The following GMDS variants were observed in gnomAD, a reference collection of about 807,000 sequenced individuals.
GMDS encodes GDP-mannose 4,6-dehydratase.
In GMDS, 20 loss-of-function variants were observed where a neutral mutation model predicts 49.9. The observed-to-expected ratio is 0.40, with a 90% CI of 0.28 to 0.58. The LOEUF (loss-of-function observed/expected upper bound fraction) is 0.58, where lower values mean the gene tolerates loss of function less well. Among genes scored for constraint, GMDS ranks in the 20% least tolerant of loss-of-function variants. GMDS has a pLI of 0.42. For synonymous variants in GMDS, 177 were observed against 178.6 expected (o/e 0.99, Z 0.07); for missense variants, 362 against 481.4 (o/e 0.75, Z 2.32).
At chr6:2,199,949 G>A (rs1166908865) in intron 1 of GMDS, among the ~76,000 whole-genome samples, 1 of 152,070 alleles carries the variant, frequency 6.6e-6, no homozygotes, top group Non-Finnish European at 1.5e-5. Context: ...AGCTATATAT[G>A]GTAAATGCTA....
chr6:2,180,927 G>T (rs963900709), intron 1 of GMDS, among the ~76,000 whole-genome samples: 1 of 152,084 alleles, frequency 6.6e-6, no homozygotes, highest in Non-Finnish European at 1.5e-5. Flanking sequence ...CAGCACTTTG[G>T]GAGGCTGAGG....
chr6:2,023,943 T>C lies in GMDS; in HGVS notation c.346-62977A>G, dbSNP rs145738117. On this transcript the variant is annotated intron_variant, in intron 4 of 10. Transcript: ENST00000380815. Reference sequence around the variant, plus strand: ...AGGAGACATGGTTGAGAATTTTCAATAATCAAAGAAAACCACAAATTCTCA... The same window carrying C: ...AGGAGACATGGTTGAGAATTTTCAACAATCAAAGAAAACCACAAATTCTCA... 3.5e-3 allele frequency among the ~76,000 whole-genome samples: 539 copies of C among 152,256 alleles called. 2 individuals are homozygous for C. The highest frequency in any genetic ancestry group is 0.01 in the Middle Eastern group (3 of 294).
At chr6:2,043,115 C>G (rs544218620) in intron 4 of GMDS, among the ~76,000 whole-genome samples, 16 of 152,272 alleles carry the variant, frequency 1.1e-4, no homozygotes, top group African/African-American at 3.6e-4. Context: ...GCAGAAGGTT[C>G]CTGCCGTCAC....
At chr6:1,737,631 ACACG>A (rs1356433993) in intron 8 of GMDS, among the ~76,000 whole-genome samples, 6 of 149,596 alleles carry the variant, frequency 4.0e-5, no homozygotes, top group African/African-American at 1.5e-4. Context: ...ACACAGATAC[ACACG>A]CACACATACA....
At chr6:1,809,546 C>T (rs892434064) in intron 7 of GMDS, among the ~76,000 whole-genome samples, 3 of 152,088 alleles carry the variant, frequency 2.0e-5, no homozygotes, top group African/African-American at 7.2e-5. Context: ...TTCTTTCTCG[C>T]CATTACTCAA....
intron 1 of GMDS, among the ~76,000 whole-genome samples, chr6:2,179,971 G>C (rs971749954): frequency 6.6e-6 from 1 of 152,160 alleles, no homozygotes; most frequent in Admixed American, 6.5e-5. Flanking sequence ...TTAAAGATGA[G>C]AAAGATGCAT....
At chr6:1,711,735 C>T (rs973010746) in intron 9 of GMDS, among the ~76,000 whole-genome samples, 2 of 152,240 alleles carry the variant, frequency 1.3e-5, no homozygotes, top group Non-Finnish European at 2.9e-5. Flanking sequence ...CTGCATACCC[C>T]TTCCGTGCCC....
rs146282691 is a variant in GMDS, at chr6:1,913,108, G to A, written c.771+16995C>T. On this transcript the variant is annotated intron_variant, in intron 7 of 10. Coordinates refer to ENST00000380815, the MANE Select transcript of GMDS (RefSeq NM_001500.4). ...AAGAAAGTTTGCATGTGGGCCAGGC[G>A]CGGTGGCTCACGCCTGTAATCCCAG... Among the ~76,000 whole-genome samples the A allele has an allele frequency of 5.9e-3, 893 of 152,286 alleles. 8 individuals are homozygous for A. Among genetic ancestry groups the A allele is most frequent in the African/African-American group, 0.02 (831 of 41,548 alleles).
chr6:1,883,421 T>G (rs981700705), intron 7 of GMDS, among the ~76,000 whole-genome samples: 14 of 152,108 alleles, frequency 9.2e-5, no homozygotes, highest in African/African-American at 3.4e-4. Context: ...TAATAATAAT[T>G]TTATGGAAAT....
At chr6:1,685,620 T>C (rs1764949974) in intron 9 of GMDS, among the ~76,000 whole-genome samples, 2 of 152,116 alleles carry the variant, frequency 1.3e-5, no homozygotes, top group Admixed American at 1.3e-4. Context: ...GATTCCCAGA[T>C]TGGGAGACAG....
chr6:2,124,062 C>T (rs1191538384), intron 2 of GMDS, among the ~76,000 whole-genome samples: 1 of 150,358 alleles, frequency 6.7e-6, no homozygotes, highest in Non-Finnish European at 1.5e-5. Context: ...TTCTGTATAG[C>T]ATGAATTTAT....
chr6:2,082,269 T>A (rs1171278353), intron 4 of GMDS, among the ~76,000 whole-genome samples: 1 of 152,140 alleles, frequency 6.6e-6, no homozygotes, highest in Non-Finnish European at 1.5e-5. Context: ...TCACTGGTCA[T>A]TCCCTCGATG....
chr6:2,243,728 T>C lies in GMDS; in HGVS notation c.102+1593A>G, dbSNP rs192243800. Reference sequence around the variant, plus strand: ...CTAGTTTTCAAACTCTTGTCTATTATGATTACCTTAAGCAAAGCAAGATGC... The same window carrying C: ...CTAGTTTTCAAACTCTTGTCTATTACGATTACCTTAAGCAAAGCAAGATGC... On this transcript the variant is annotated intron_variant, in intron 1 of 10. Transcript: ENST00000380815. 1.2e-3 allele frequency among the ~76,000 whole-genome samples: 189 copies of C among 152,160 alleles called. 1 individual carries two copies. The highest frequency in any genetic ancestry group is 4.5e-3 in the African/African-American group (187 of 41,516).
intron 9 of GMDS, among the ~76,000 whole-genome samples, chr6:1,637,063 C>T (rs1482612178): frequency 6.6e-6 from 1 of 152,238 alleles, no homozygotes; most frequent in Non-Finnish European, 1.5e-5. Context: ...AGCCCAGCGC[C>T]AGGCATGGCT....
intron 1 of GMDS, among the ~76,000 whole-genome samples, chr6:2,238,136 T>A (rs1314824716): frequency 6.6e-6 from 1 of 151,160 alleles, no homozygotes; most frequent in African/African-American, 2.4e-5. Context: ...ACCTGTATTA[T>A]CAGCACTTGG....
intron 2 of GMDS, among the ~76,000 whole-genome samples, chr6:2,122,687 C>A (rs1263177917): frequency 6.6e-6 from 1 of 152,192 alleles, no homozygotes; most frequent in Non-Finnish European, 1.5e-5. Context: ...AGGACAGCAG[C>A]CTATTAAAGT....
chr6:2,031,070 G>A (rs1397299728), intron 4 of GMDS, among the ~76,000 whole-genome samples: 5 of 152,124 alleles, frequency 3.3e-5, no homozygotes, highest in Non-Finnish European at 7.4e-5. Flanking sequence ...GTGCAGCTAC[G>A]GTAAACTCAA....
chr6:1,991,940 G>A (rs116487271), intron 4 of GMDS, among the ~76,000 whole-genome samples: 149 of 152,322 alleles, frequency 9.8e-4, no homozygotes, highest in African/African-American at 3.3e-3. Flanking sequence ...TCGGAGTTAC[G>A]CAGCTCCACG....
intron 7 of GMDS, among the ~76,000 whole-genome samples, chr6:1,757,040 C>T (rs1318108945): frequency 6.6e-6 from 1 of 152,162 alleles, no homozygotes; most frequent in Non-Finnish European, 1.5e-5. Flanking sequence ...AAAAAATCTA[C>T]CACAAAGAGC....
Sources: gnomAD v4.1 joint callset for allele counts (sites outside exome capture counted in the v4.1 genomes callset) on GRCh38, gnomAD v4.1.1 for gene constraint, MANE v1.5 for transcripts, NCBI Gene and HGNC (gene_info 2026-07-23, HGNC 2026-07-21) for gene names.